Variants in VAV3 observed in about 807,000 individuals in gnomAD.
VAV3 encodes the protein vav guanine nucleotide exchange factor 3.
A neutral mutation model predicts 131.2 loss-of-function variants in VAV3; 94 were observed. That is an observed-to-expected ratio of 0.72 (90% CI 0.61 to 0.85). VAV3 has a LOEUF of 0.85. Among genes scored for constraint, VAV3 ranks in the 40% least tolerant of loss-of-function variants. The pLI, the probability that VAV3 is intolerant of heterozygous loss-of-function variation, is 0.00. For synonymous variants in VAV3, 349 were observed against 342.0 expected (o/e 1.02, Z -0.22); for missense variants, 939 against 1,002.7 (o/e 0.94, Z 0.86).
rs1558057993 is a variant in VAV3 at position 107,573,377 on chromosome 1, A to G, written c.2503-5T>C. On this transcript the variant is annotated splice_region_variant and splice_polypyrimidine_tract_variant and intron_variant, in intron 26 of 26. Transcript: ENST00000370056. ...TGTGGATGGAAACCAGCCCACCTAAAAAAGAAAAGCAACCAACACAGCAAC... is the reference window on the plus strand; with the variant it reads ...TGTGGATGGAAACCAGCCCACCTAAGAAAGAAAAGCAACCAACACAGCAAC... 6.2e-7 allele frequency: 1 copy of G among 1,614,128 alleles called. No homozygotes were observed. Among genetic ancestry groups the G allele is most frequent in the East Asian group, 2.2e-5 (1 of 44,880 alleles).
chr1:107,808,006 C>T (rs1055932576), intron 2 of VAV3, among the ~76,000 whole-genome samples: 6 of 152,002 alleles, frequency 3.9e-5, no homozygotes, highest in Non-Finnish European at 7.4e-5. Flanking sequence ...ATAATAATTG[C>T]GGCTATTTTC....
chr1:107,963,918 A>C (rs571709141), intron 1 of VAV3, among the ~76,000 whole-genome samples: 1 of 152,338 alleles, frequency 6.6e-6, no homozygotes, highest in South Asian at 2.1e-4. Flanking sequence ...CTTAACCCTC[A>C]AAGAGGCAGC....
intron 15 of VAV3, among the ~76,000 whole-genome samples, chr1:107,733,570 T>C (rs1453040073): frequency 1.3e-5 from 2 of 152,198 alleles, no homozygotes; most frequent in East Asian, 1.9e-4. Context: ...CTGAAAACCA[T>C]GGCATGAGAA....
rs560672020 is a variant in VAV3 at position 107,675,255 on chromosome 1, C to T, written c.1777+8233G>A. On this transcript the variant is annotated intron_variant, in intron 19 of 26. Transcript: ENST00000370056. ...TATATGTATCAATAACCACCACTAT[C>T]ATCATAATCTTCAGAGCACTTAGTA... 3.3e-5 allele frequency among the ~76,000 whole-genome samples: 5 copies of T among 152,310 alleles called. No individual in the cohort carries two copies. The South Asian group carries it at 1.0e-3, about 32-fold the overall frequency.
chr1:107,657,459 C>T (rs1001747840), intron 19 of VAV3, among the ~76,000 whole-genome samples: 5 of 152,132 alleles, frequency 3.3e-5, no homozygotes, highest in Non-Finnish European at 7.4e-5. Flanking sequence ...TTCTGGCTAT[C>T]TCAGGAAATA....
At chr1:107,860,406 C>A (rs1259332019) in intron 2 of VAV3, among the ~76,000 whole-genome samples, 1 of 144,366 alleles carries the variant, frequency 6.9e-6, no homozygotes, top group South Asian at 2.2e-4. Context: ...AATTTAAGTT[C>A]TTGGGCTTTT....
chr1:107,603,828 CAGAGCT>C (rs1429759683), intron 22 of VAV3, among the ~76,000 whole-genome samples: 1 of 135,052 alleles, frequency 7.4e-6, no homozygotes, highest in African/African-American at 2.8e-5. Flanking sequence ...TTTTTTGAGA[CAGAGCT>C]TCTCTCTCTT....
chr1:107,638,870 C>G (rs2101473452), intron 20 of VAV3, among the ~76,000 whole-genome samples: 2 of 151,632 alleles, frequency 1.3e-5, no homozygotes, highest in Middle Eastern at 6.8e-3. Flanking sequence ...AGAAACAGAC[C>G]TACATATACA....
chr1:107,857,470 G>T (rs1669527810), intron 2 of VAV3, among the ~76,000 whole-genome samples: 1 of 152,026 alleles, frequency 6.6e-6, no homozygotes. Flanking sequence ...TATAAATTTT[G>T]AACTTTGTTA....
intron 6 of VAV3, 33 bp from the exon 7 acceptor site, chr1:107,768,542 G>A (rs750512652): frequency 6.5e-7 from 1 of 1,539,040 alleles, no homozygotes; most frequent in East Asian, 2.3e-5. Flanking sequence ...TAGTAATTAA[G>A]TATAACTTGT....
intron 18 of VAV3, chr1:107,686,034 T>TGGGGGGGGGGGGGGGG (rs554715740): frequency 5.4e-4 from 46 of 85,072 alleles, no homozygotes; most frequent in Non-Finnish European, 7.5e-4. Flanking sequence ...GTTGGGGGGG[T>TGGGGGGGGGGGGGGGG]GGGGGGGGAG....
chr1:107,602,006 A>C (rs1048949589), intron 24 of VAV3, among the ~76,000 whole-genome samples: 2 of 152,164 alleles, frequency 1.3e-5, no homozygotes, highest in Admixed American at 1.3e-4. Context: ...TTTTATAAAA[A>C]ATGAACCTAA....
At chr1:107,683,423 T>C (rs1658784678) in intron 19 of VAV3, 65 bp downstream of exon 19, 2 of 1,575,254 alleles carry the variant, frequency 1.3e-6, no homozygotes, top group African/African-American at 1.3e-5. Context: ...CCACAGCAAT[T>C]CCCATATCCT....
Position 107,655,088 on chromosome 1 carries a change from T to C in VAV3, c.1778-12333A>G, listed in dbSNP as rs575444853. Among the ~76,000 whole-genome samples the C allele has an allele frequency of 5.5e-4, 83 of 152,184 alleles. No homozygotes were observed. In the South Asian group the frequency reaches 8.1e-3, roughly 15 times the overall value. Reference sequence around the variant, plus strand: ...CCTCATTTCTCAACTAAAACACCAGTGACACTTAGCACAAAGTTCACATGC... The same window carrying C: ...CCTCATTTCTCAACTAAAACACCAGCGACACTTAGCACAAAGTTCACATGC... On this transcript the variant is annotated intron_variant, in intron 19 of 26. Transcript: ENST00000370056.
chr1:107,844,256 G>T (rs150282528), intron 2 of VAV3, among the ~76,000 whole-genome samples: 2 of 152,010 alleles, frequency 1.3e-5, no homozygotes, highest in East Asian at 1.9e-4. Context: ...AGCCTTGAGG[G>T]ACTGTGCCAC....
chr1:107,940,639 T>G (rs762423794), intron 1 of VAV3, among the ~76,000 whole-genome samples: 40 of 152,304 alleles, frequency 2.6e-4, no homozygotes, highest in African/African-American at 9.6e-4. Flanking sequence ...CGGAATATTA[T>G]TTAGCCTTAG....
intron 2 of VAV3, among the ~76,000 whole-genome samples, chr1:107,855,544 C>G (rs1669429939): frequency 6.6e-6 from 1 of 152,040 alleles, no homozygotes; most frequent in Non-Finnish European, 1.5e-5. Flanking sequence ...TCCCAAAGTG[C>G]TAAGATTACA....
At chr1:107,650,991 A>C (rs985667885) in intron 19 of VAV3, among the ~76,000 whole-genome samples, 4 of 152,136 alleles carry the variant, frequency 2.6e-5, no homozygotes, top group South Asian at 2.1e-4. Flanking sequence ...TTGTAGGGAC[A>C]TGAATGAAAG....
At chr1:107,894,237 T>C (rs2101068592) in intron 1 of VAV3, among the ~76,000 whole-genome samples, 1 of 152,366 alleles carries the variant, frequency 6.6e-6, no homozygotes, top group African/African-American at 2.4e-5. Context: ...CACAGATCAC[T>C]TTGAGAAAAG....
Sources: allele counts gnomAD v4.1 joint callset (sites outside exome capture counted in the v4.1 genomes callset), GRCh38; gene constraint gnomAD v4.1.1; transcripts MANE v1.5; gene names NCBI Gene and HGNC (gene_info 2026-07-23, HGNC 2026-07-21).